Variants in DPYSL2 observed in about 807,000 individuals in gnomAD.
The protein encoded by DPYSL2 is dihydropyrimidinase like 2, also known as dihydropyrimidinase-related protein 2.
Under a neutral mutation model 69.9 loss-of-function variants are expected in DPYSL2, and 13 were observed. That is an observed-to-expected ratio of 0.19 (90% CI 0.12 to 0.30). The LOEUF (loss-of-function observed/expected upper bound fraction) is 0.30, where lower values mean the gene tolerates loss of function less well. Ranked by LOEUF, DPYSL2 falls within the 10% of genes least tolerant of loss-of-function variation. The probability of loss-of-function intolerance (pLI) is 1.00; values close to 1 mark genes in which losing one functional copy is unlikely to be tolerated. For synonymous variants in DPYSL2, 326 were observed against 359.1 expected (o/e 0.91, Z 1.04); for missense variants, 587 against 918.9 (o/e 0.64, Z 4.67).
intron 1 of DPYSL2, chr8:26,577,259 G>C: frequency 2.6e-6 from 1 of 381,866 alleles, no homozygotes; most frequent in South Asian, 1.8e-5. Context: ...GGGCCCGGAC[G>C]CTCCCGGGAA....
At chr8:26,548,677 A>C (rs1800822186) in intron 1 of DPYSL2, among the ~76,000 whole-genome samples, 1 of 150,868 alleles carries the variant, frequency 6.6e-6, no homozygotes, top group South Asian at 2.1e-4. Context: ...GAACTCAGGA[A>C]TCCAAGACCA....
chr8:26,546,690 C>A (rs1011161514), intron 1 of DPYSL2, among the ~76,000 whole-genome samples: 1 of 150,546 alleles, frequency 6.6e-6, no homozygotes, highest in East Asian at 2.0e-4. Context: ...GAGGCCGAGA[C>A]GGGTGGATCA....
At chr8:26,649,786 A>G (rs980598927) in intron 11 of DPYSL2, among the ~76,000 whole-genome samples, 1 of 152,134 alleles carries the variant, frequency 6.6e-6, no homozygotes, top group Non-Finnish European at 1.5e-5. Context: ...GCCTGTGTGG[A>G]TGTAGGTTAA....
At chr8:26,529,296 TATCTATC>T (rs1438953718) in intron 1 of DPYSL2, among the ~76,000 whole-genome samples, 2 of 141,046 alleles carry the variant, frequency 1.4e-5, no homozygotes, top group African/African-American at 5.1e-5. Flanking sequence ...TCTATCTATC[TATCTATC>T]ATCTATCTAT....
At position 26,643,646 on chromosome 8, in the gene DPYSL2, A is replaced by G. The variant is rs1267611420; in HGVS notation, c.1283+51A>G. 2 of 1,613,354 alleles carry G rather than the reference A, an allele frequency of 1.2e-6. No homozygotes were observed. Among genetic ancestry groups the G allele is most frequent in the Non-Finnish European group, 1.7e-6 (2 of 1,179,436 alleles). On this transcript the variant is annotated intron_variant, in intron 9 of 13. Coordinates refer to ENST00000521913, the MANE Select transcript of DPYSL2 (RefSeq NM_001197293.3). This position sits in a 1 kb window ranked among gnomAD's most constrained non-coding sequence, Gnocchi z 6.5. ...TTCACATTCTGTCTTTCTTCAGACC[A>G]GACTGACCTGTTAGGCGAAAACAAC...
At chr8:26,543,698 G>A (rs1212548895) in intron 1 of DPYSL2, among the ~76,000 whole-genome samples, 2 of 152,144 alleles carry the variant, frequency 1.3e-5, no homozygotes, top group Non-Finnish European at 2.9e-5. Context: ...TGTTGGTCAG[G>A]CTTGTCTCGA....
In DPYSL2 at chr8:26,614,579, G is replaced by T. The variant is rs573085373; in HGVS notation, c.629-9564G>T. On this transcript the variant is annotated intron_variant, in intron 3 of 13. Coordinates refer to ENST00000521913, the MANE Select transcript of DPYSL2 (RefSeq NM_001197293.3). The surrounding 1 kb of genome is among the most constrained non-coding windows in gnomAD (Gnocchi z 4.9). ...GCCGATCACCAGATCACTTAAAGGA[G>T]GTTGTTTGTTTTATAAGCGTTTTAC... Among the ~76,000 whole-genome samples, 1 of 152,312 alleles carries T rather than the reference G, an allele frequency of 6.6e-6. No homozygotes were observed. The highest frequency in any genetic ancestry group is 2.1e-4 in the South Asian group (1 of 4,822).
At chr8:26,638,082 C>T (rs1193953298) in intron 8 of DPYSL2, 2 of 152,220 alleles carry the variant, frequency 1.3e-5, no homozygotes, top group Admixed American at 1.3e-4. Flanking sequence ...TGCATTTCTT[C>T]CTCTGTGAAT....
chr8:26,635,805 A>G (rs1802901752), intron 8 of DPYSL2, among the ~76,000 whole-genome samples: 2 of 150,186 alleles, frequency 1.3e-5, no homozygotes, highest in Admixed American at 1.3e-4. Context: ...TTTATCTTTC[A>G]TTTGACTCTT....
intron 1 of DPYSL2, among the ~76,000 whole-genome samples, chr8:26,576,158 T>C (rs1482351248): frequency 2.0e-5 from 3 of 152,194 alleles, no homozygotes; most frequent in Non-Finnish European, 4.4e-5. Flanking sequence ...CTACGGCTAC[T>C]TTCTGGGACT....
Position 26,620,877 on chromosome 8 carries a change from A to G in DPYSL2, c.629-3266A>G, listed in dbSNP as rs1429532775. ...AAATTTAGCCAATGTATAAGACTAA[A>G]TGTCAAGTATTTATCTATACAAACA... On this transcript the variant is annotated intron_variant, in intron 3 of 13. Coordinates refer to ENST00000521913, the MANE Select transcript of DPYSL2 (RefSeq NM_001197293.3). This position sits in a 1 kb window ranked among gnomAD's most constrained non-coding sequence, Gnocchi z 4.5. 6.6e-6 allele frequency among the ~76,000 whole-genome samples: 1 copy of G among 152,218 alleles called. No individual in the cohort carries two copies. Among genetic ancestry groups the G allele is most frequent in the Non-Finnish European group, 1.5e-5 (1 of 68,042 alleles).
chr8:26,545,884 T>G (rs1800759262), intron 1 of DPYSL2, among the ~76,000 whole-genome samples: 1 of 152,356 alleles, frequency 6.6e-6, no homozygotes. Context: ...TCTGTTTGTC[T>G]TGACAACCAT....
At position 26,562,177 on chromosome 8, in the gene DPYSL2, G is replaced by A. The variant is rs949377308; in HGVS notation, c.355-19792G>A. On this transcript the variant is annotated intron_variant, in intron 1 of 13. Coordinates refer to ENST00000521913, the MANE Select transcript of DPYSL2 (RefSeq NM_001197293.3). This position sits in a 1 kb window ranked among gnomAD's most constrained non-coding sequence, Gnocchi z 4.9. ...AAGGACACACACTGGTCAGACTGCA[G>A]GGCTTGATTCCTGGCTCTGCCACGT... Among the ~76,000 whole-genome samples, 1 of 152,202 alleles carries A rather than the reference G, an allele frequency of 6.6e-6. No individual in the cohort carries two copies. Among genetic ancestry groups the A allele is most frequent in the African/African-American group, 2.4e-5 (1 of 41,436 alleles).
Position 26,516,322 on chromosome 8 carries a change from T to TTGA in DPYSL2, c.354+1643_354+1644insTGA, listed in dbSNP as rs1808289783. ...AGTGAGTGTGTGTGAAACACTTCCC[T>TTGA]GTGTGAGTACATTGAGTGAGGGCCA... On this transcript the variant is annotated intron_variant, in intron 1 of 13. Coordinates refer to ENST00000521913, the MANE Select transcript of DPYSL2 (RefSeq NM_001197293.3). The surrounding 1 kb of genome is among the most constrained non-coding windows in gnomAD (Gnocchi z 4.8). Among the ~76,000 whole-genome samples, 1 of 152,250 alleles carries TTGA rather than the reference T, an allele frequency of 6.6e-6. No homozygotes were observed. The highest frequency in any genetic ancestry group is 1.5e-5 in the Non-Finnish European group (1 of 68,050).
At chr8:26,649,718 G>C (rs1406518114) in intron 11 of DPYSL2, among the ~76,000 whole-genome samples, 1 of 152,208 alleles carries the variant, frequency 6.6e-6, no homozygotes, top group Non-Finnish European at 1.5e-5. Context: ...CGACAGCCCT[G>C]TTGCTAAGCC....
At chr8:26,559,023 A>T (rs948585382) in intron 1 of DPYSL2, among the ~76,000 whole-genome samples, 1 of 152,106 alleles carries the variant, frequency 6.6e-6, no homozygotes, top group African/African-American at 2.4e-5. Context: ...GCTCGCTGCA[A>T]CCTCTGCCTC....
Position 26,655,577 on chromosome 8 carries a change from GGCCCCTCACCCGCTCC to G in DPYSL2, c.1943-37_1943-22del, listed in dbSNP as rs752701805. The G allele has an allele frequency of 3.9e-6, 6 of 1,548,536 alleles. No homozygotes were observed. In the East Asian group the frequency reaches 1.4e-4, roughly 35 times the overall value. ...AAGCAGGATCTTGTGTGACTGTCCTGGCCCCTCACCCGCTCCTCTCTTCTCCTCTCCCTCCAGGTGC... is the reference window on the plus strand; with the variant it reads ...AAGCAGGATCTTGTGTGACTGTCCTGTCTCTTCTCCTCTCCCTCCAGGTGC... On this transcript the variant is annotated intron_variant, in intron 13 of 13. Coordinates refer to ENST00000521913, the MANE Select transcript of DPYSL2 (RefSeq NM_001197293.3).
chr8:26,589,657 G>A (rs1474070713), intron 3 of DPYSL2, among the ~76,000 whole-genome samples: 1 of 152,240 alleles, frequency 6.6e-6, no homozygotes, highest in Admixed American at 6.5e-5. Flanking sequence ...GGTCAGATCT[G>A]GTCATGGTGG....
rs187899731 is a variant in DPYSL2 at position 26,626,689 on chromosome 8, C to T, written c.855+11C>T. The T allele has an allele frequency of 1.7e-5, 27 of 1,614,010 alleles. No individual in the cohort carries two copies. Among genetic ancestry groups the T allele is most frequent in the Middle Eastern group, 1.6e-4 (1 of 6,062 alleles). On this transcript the variant is annotated intron_variant, in intron 5 of 13. Coordinates refer to ENST00000521913, the MANE Select transcript of DPYSL2 (RefSeq NM_001197293.3). The surrounding 1 kb of genome is among the most constrained non-coding windows in gnomAD (Gnocchi z 4.3). The stretch of plus-strand genomic sequence containing the variant: ...CTAACGGATTGCCAGGTAAGAAAGT[C>T]GGCTTTTCGGAAGAGGCACCCTGAC...
Sources: gnomAD v4.1 joint callset for allele counts (sites outside exome capture counted in the v4.1 genomes callset) on GRCh38, gnomAD v4.1.1 for gene constraint, Gnocchi (gnomAD v3.1) non-coding constraint, MANE v1.5 for transcripts, NCBI Gene and HGNC (gene_info 2026-07-23, HGNC 2026-07-21) for gene names.